The following ERBB4 variants were observed in gnomAD, a reference collection of about 807,000 sequenced individuals.
ERBB4 encodes the protein receptor tyrosine-protein kinase erbB-4.
In ERBB4, 42 loss-of-function variants were observed where a neutral mutation model predicts 158.0. The ratio of observed to expected loss-of-function variants is 0.27; its 90% CI spans 0.21 to 0.34. The LOEUF (loss-of-function observed/expected upper bound fraction) is 0.34. ERBB4 is among the 10% of genes least tolerant of loss of function. The pLI is 1.00. For missense variants in ERBB4, 1,333 were observed against 1,624.1 expected (o/e 0.82, Z 3.08); for synonymous variants, 583 against 558.7 (o/e 1.04, Z -0.61).
intron 1 of ERBB4, among the ~76,000 whole-genome samples, chr2:212,366,440 T>C (rs188364136): frequency 2.6e-5 from 4 of 151,944 alleles, no homozygotes; most frequent in African/African-American, 9.7e-5. Context: ...TGTTACAAAT[T>C]ACACCTTTCA....
rs534530652 is a variant in ERBB4, at chr2:212,212,933, A to G, written c.83-88030T>C. The stretch of plus-strand genomic sequence containing the variant: ...AAAATTAACTCAAGATGGTTTAAAT[A>G]CTTAAATGTAAAAGCCAAAATCTAT... On this transcript the variant is annotated intron_variant, in intron 1 of 27. Coordinates refer to ENST00000342788, the MANE Select transcript of ERBB4 (RefSeq NM_005235.3). Among the ~76,000 whole-genome samples the G allele has an allele frequency of 4.6e-5, 7 of 152,254 alleles. No individual in the cohort carries two copies. The South Asian group carries it at 8.3e-4, about 18-fold the overall frequency.
chr2:212,083,407 G>T (rs1228598278), intron 2 of ERBB4, among the ~76,000 whole-genome samples: 1 of 151,966 alleles, frequency 6.6e-6, no homozygotes, highest in African/African-American at 2.4e-5. Flanking sequence ...TGTCACCAAG[G>T]TTGATTTAGG....
chr2:211,861,045 A>C (rs1482985128), intron 3 of ERBB4, among the ~76,000 whole-genome samples: 1 of 12,052 alleles, frequency 8.3e-5, no homozygotes, highest in Non-Finnish European at 1.5e-4. Context: ...ATATATTTAT[A>C]TATTTATATA....
intron 2 of ERBB4, among the ~76,000 whole-genome samples, chr2:212,000,965 C>A (rs946868322): frequency 6.6e-6 from 1 of 151,842 alleles, no homozygotes; most frequent in African/African-American, 2.4e-5. Flanking sequence ...TTTGACATCT[C>A]TCATTTTTAT....
chr2:211,768,686 C>T (rs116758542), intron 4 of ERBB4, among the ~76,000 whole-genome samples: 1 of 152,004 alleles, frequency 6.6e-6, no homozygotes, highest in Non-Finnish European at 1.5e-5. Context: ...TAGCAATGGC[C>T]GGAATGCAGG....
chr2:211,807,504 T>C (rs1013586960), intron 3 of ERBB4, among the ~76,000 whole-genome samples: 1 of 152,234 alleles, frequency 6.6e-6, no homozygotes, highest in Non-Finnish European at 1.5e-5. Context: ...CAGTATTCCA[T>C]GGTGTATATG....
intron 5 of ERBB4, among the ~76,000 whole-genome samples, chr2:211,747,919 T>C (rs1178790252): frequency 6.6e-6 from 1 of 151,980 alleles, no homozygotes; most frequent in Non-Finnish European, 1.5e-5. Context: ...TCACTTCCCT[T>C]ATATGAAATG....
rs139657945 is a variant in ERBB4 at position 211,384,543 on chromosome 2, A to G, written c.3482-483T>C. Among the ~76,000 whole-genome samples, 574 of 152,258 alleles carry G rather than the reference A, an allele frequency of 3.8e-3. 6 individuals carry two copies. The highest frequency in any genetic ancestry group is 0.013 in the African/African-American group (546 of 41,578). On this transcript the variant is annotated intron_variant, in intron 27 of 27. Coordinates refer to ENST00000342788, the MANE Select transcript of ERBB4 (RefSeq NM_005235.3). Reference sequence around the variant, plus strand: ...GAAGAAATCATGTTTTTTAGTCTCTATGGTTTGCTATGATTGCCTATACTG... The same window carrying G: ...GAAGAAATCATGTTTTTTAGTCTCTGTGGTTTGCTATGATTGCCTATACTG...
At chr2:212,044,466 G>T (rs1190952602) in intron 2 of ERBB4, among the ~76,000 whole-genome samples, 1 of 152,010 alleles carries the variant, frequency 6.6e-6, no homozygotes, top group Non-Finnish European at 1.5e-5. Context: ...TTTTGAAACA[G>T]ATTTCGTATC....
chr2:212,476,070 C>T (rs1235737734), intron 1 of ERBB4, among the ~76,000 whole-genome samples: 5 of 151,738 alleles, frequency 3.3e-5, no homozygotes, highest in African/African-American at 9.7e-5. Context: ...TCAGTGATGC[C>T]TGGAAAAGTT....
chr2:212,393,262 C>T (rs1258573270), intron 1 of ERBB4, among the ~76,000 whole-genome samples: 1 of 151,912 alleles, frequency 6.6e-6, no homozygotes, highest in East Asian at 1.9e-4. Context: ...ATTATAGTGC[C>T]TATTTCAATA....
chr2:211,900,076 G>T (rs1040082981), intron 3 of ERBB4, among the ~76,000 whole-genome samples: 1 of 152,140 alleles, frequency 6.6e-6, no homozygotes, highest in African/African-American at 2.4e-5. Flanking sequence ...AGAAGGGGCT[G>T]CTCTGCACAC....
chr2:212,156,871 T>C (rs983088301), intron 1 of ERBB4, among the ~76,000 whole-genome samples: 2 of 152,096 alleles, frequency 1.3e-5, no homozygotes, highest in African/African-American at 4.8e-5. Flanking sequence ...TGAAAGTAAT[T>C]CACTTCCCGT....
chr2:212,421,877 T>C (rs2091800057), intron 1 of ERBB4, among the ~76,000 whole-genome samples: 1 of 152,224 alleles, frequency 6.6e-6, no homozygotes, highest in Non-Finnish European at 1.5e-5. Context: ...TGTTTAGGAA[T>C]ACTGTTGAAA....
chr2:211,465,102 C>G (rs1428587203), intron 20 of ERBB4, among the ~76,000 whole-genome samples: 1 of 151,962 alleles, frequency 6.6e-6, no homozygotes, highest in Non-Finnish European at 1.5e-5. Flanking sequence ...CTGCCTCAGC[C>G]TCCCAAAGTG....
intron 3 of ERBB4, among the ~76,000 whole-genome samples, chr2:211,798,677 G>A (rs1350667301): frequency 6.6e-6 from 1 of 152,148 alleles, no homozygotes; most frequent in East Asian, 1.9e-4. Flanking sequence ...GGTTTTGGGG[G>A]AGAAATGATG....
At chr2:211,616,922 T>C (rs2069413136) in intron 19 of ERBB4, among the ~76,000 whole-genome samples, 2 of 152,058 alleles carry the variant, frequency 1.3e-5, no homozygotes, top group African/African-American at 2.4e-5. Flanking sequence ...CCATCAACCA[T>C]CTAGGAAAAT....
chr2:211,808,424 G>A (rs1254903014), intron 3 of ERBB4, among the ~76,000 whole-genome samples: 1 of 152,092 alleles, frequency 6.6e-6, no homozygotes, highest in Non-Finnish European at 1.5e-5. Context: ...GTTTGTCAAG[G>A]ATCATATGGT....
chr2:211,639,824 C>T (rs1051772521), intron 16 of ERBB4, among the ~76,000 whole-genome samples: 20 of 152,054 alleles, frequency 1.3e-4, no homozygotes, highest in Admixed American at 1.0e-3. Flanking sequence ...GGAGTTCAAG[C>T]GACTCTCCTG....
Sources: allele counts gnomAD v4.1 joint callset (sites outside exome capture counted in the v4.1 genomes callset), GRCh38; gene constraint gnomAD v4.1.1; transcripts MANE v1.5; gene names NCBI Gene and HGNC (gene_info 2026-07-23, HGNC 2026-07-21).